Variants in GMDS observed in about 807,000 individuals in gnomAD.
GMDS encodes the protein GDP-mannose 4,6-dehydratase.
A neutral mutation model predicts 49.9 loss-of-function variants in GMDS; 20 were observed. The observed-to-expected ratio is 0.40, with a 90% CI of 0.28 to 0.58. The LOEUF (loss-of-function observed/expected upper bound fraction) is 0.58, where lower values mean the gene tolerates loss of function less well. Ranked by LOEUF, GMDS falls within the 20% of genes least tolerant of loss-of-function variation. GMDS has a pLI of 0.42. For synonymous variants in GMDS, 177 were observed against 178.6 expected (o/e 0.99, Z 0.07); for missense variants, 362 against 481.4 (o/e 0.75, Z 2.32).
At chr6:2,148,132 T>C (rs1238350606) in intron 1 of GMDS, among the ~76,000 whole-genome samples, 2 of 152,100 alleles carry the variant, frequency 1.3e-5, no homozygotes, top group African/African-American at 2.4e-5. Flanking sequence ...TTGTCAGACG[T>C]TGAGTGAGCA....
intron 4 of GMDS, among the ~76,000 whole-genome samples, chr6:2,008,264 T>A (rs1433577295): frequency 2.6e-5 from 4 of 152,250 alleles, no homozygotes; most frequent in Non-Finnish European, 5.9e-5. Flanking sequence ...ATTTTTAACA[T>A]CGTTTTAAAT....
intron 9 of GMDS, among the ~76,000 whole-genome samples, chr6:1,669,808 G>A (rs1561714626): frequency 6.6e-6 from 1 of 151,504 alleles, no homozygotes; most frequent in African/African-American, 2.4e-5. Context: ...AGCTACTAGT[G>A]AGGCTGAGGC....
At chr6:1,816,470 C>T (rs1209446833) in intron 7 of GMDS, among the ~76,000 whole-genome samples, 1 of 152,094 alleles carries the variant, frequency 6.6e-6, no homozygotes, top group African/African-American at 2.4e-5. Context: ...AACAAAATAC[C>T]ACCATTAATT....
At chr6:1,681,399 C>T (rs1764785894) in intron 9 of GMDS, among the ~76,000 whole-genome samples, 1 of 152,246 alleles carries the variant, frequency 6.6e-6, no homozygotes, top group East Asian at 1.9e-4. Flanking sequence ...CATCTACAGT[C>T]CCAAAATGGC....
chr6:2,067,262 G>C (rs1428614397), intron 4 of GMDS, among the ~76,000 whole-genome samples: 1 of 152,158 alleles, frequency 6.6e-6, no homozygotes, highest in African/African-American at 2.4e-5. Context: ...CGCATGCAAA[G>C]CAGTATGTAG....
intron 4 of GMDS, among the ~76,000 whole-genome samples, chr6:1,989,600 C>G (rs1003317929): frequency 6.6e-6 from 1 of 152,234 alleles, no homozygotes; most frequent in Non-Finnish European, 1.5e-5. Flanking sequence ...CGCAAAAAAG[C>G]TCTGAGTACC....
At chr6:1,997,448 T>C (rs72830106) in intron 4 of GMDS, among the ~76,000 whole-genome samples, 69,569 of 146,956 alleles carry the variant, frequency 0.47, 16,919 homozygotes, top group African/African-American at 0.6. Flanking sequence ...GCGGAGGCTG[T>C]AGTGAGCTGA....
intron 6 of GMDS, among the ~76,000 whole-genome samples, chr6:1,939,322 C>T (rs954599674): frequency 1.3e-5 from 2 of 151,756 alleles, no homozygotes; most frequent in East Asian, 1.9e-4. Flanking sequence ...ACGCAAATGA[C>T]GGCTTCCTCC....
chr6:1,932,261 T>C (rs1357260015), intron 6 of GMDS, among the ~76,000 whole-genome samples: 3 of 152,222 alleles, frequency 2.0e-5, no homozygotes, highest in South Asian at 2.1e-4. Context: ...CTATCGCTGA[T>C]AGCACTGTGC....
chr6:2,026,687 G>C (rs1233437466), intron 4 of GMDS, among the ~76,000 whole-genome samples: 1 of 152,206 alleles, frequency 6.6e-6, no homozygotes, highest in African/African-American at 2.4e-5. Context: ...ATTCCTCCCA[G>C]TGCCTGGTTT....
chr6:2,184,101 C>A (rs1202832884), intron 1 of GMDS, among the ~76,000 whole-genome samples: 2 of 152,082 alleles, frequency 1.3e-5, no homozygotes, highest in Non-Finnish European at 2.9e-5. Flanking sequence ...GGTCTGGAAC[C>A]AAATCTACAA....
At chr6:1,711,310 A>C (rs1765954221) in intron 9 of GMDS, among the ~76,000 whole-genome samples, 1 of 152,174 alleles carries the variant, frequency 6.6e-6, no homozygotes, top group Non-Finnish European at 1.5e-5. Flanking sequence ...CCACCGCTCA[A>C]GTGGTTTGAG....
At chr6:1,721,667 T>C (rs1199304748) in intron 9 of GMDS, among the ~76,000 whole-genome samples, 11 of 152,196 alleles carry the variant, frequency 7.2e-5, no homozygotes, top group Admixed American at 7.2e-4. Context: ...TTTGCTTTTT[T>C]AGTGGATTGA....
chr6:1,959,643 T>C (rs1338837764), intron 6 of GMDS: 2 of 341,124 alleles, frequency 5.9e-6, no homozygotes, highest in Non-Finnish European at 1.1e-5. Flanking sequence ...ACTGGAACAC[T>C]GTCCAGTTTT....
chr6:2,207,718 T>C (rs1779866438), intron 1 of GMDS, among the ~76,000 whole-genome samples: 1 of 151,868 alleles, frequency 6.6e-6, no homozygotes, highest in African/African-American at 2.4e-5. Context: ...TATTGTTACG[T>C]AAAAATAAAA....
chr6:2,052,203 T>A (rs1770462181), intron 4 of GMDS, among the ~76,000 whole-genome samples: 2 of 152,018 alleles, frequency 1.3e-5, no homozygotes. Flanking sequence ...ACTTCACCTT[T>A]TAGTTCAGTC....
intron 1 of GMDS, among the ~76,000 whole-genome samples, chr6:2,184,671 C>T (rs1778699297): frequency 1.3e-5 from 2 of 152,138 alleles, no homozygotes; most frequent in Non-Finnish European, 1.5e-5. Context: ...GTCAATCTGT[C>T]ATAAAACTTT....
At chr6:1,692,312 C>T (rs1028342887) in intron 9 of GMDS, among the ~76,000 whole-genome samples, 1 of 152,196 alleles carries the variant, frequency 6.6e-6, no homozygotes, top group Non-Finnish European at 1.5e-5. Flanking sequence ...TGGGACTTCA[C>T]CCTGTGACCA....
chr6:2,225,195 T>C, intron 1 of GMDS, among the ~76,000 whole-genome samples: 1 of 150,440 alleles, frequency 6.6e-6, no homozygotes, highest in Non-Finnish European at 1.5e-5. Flanking sequence ...CTGGGCATGG[T>C]AGTGCACAAC....
Sources: allele counts gnomAD v4.1 joint callset (sites outside exome capture counted in the v4.1 genomes callset), GRCh38; gene constraint gnomAD v4.1.1; transcripts MANE v1.5; gene names NCBI Gene and HGNC (gene_info 2026-07-23, HGNC 2026-07-21).